Variants in CHSY1 observed in about 807,000 individuals in gnomAD.
CHSY1 encodes chondroitin sulfate synthase 1, also known as N-acetylgalactosaminyl-proteoglycan 3-beta-glucuronosyltransferase 1.
A neutral mutation model predicts 59.8 loss-of-function variants in CHSY1; 13 were observed. The observed-to-expected ratio is 0.22, with a 90% CI of 0.14 to 0.35. The LOEUF (loss-of-function observed/expected upper bound fraction) is 0.35, where lower values mean the gene tolerates loss of function less well. CHSY1 is among the 10% of genes least tolerant of loss of function. CHSY1 has a pLI of 1.00. For synonymous variants in CHSY1, 459 were observed against 401.2 expected (o/e 1.14, Z -1.72); for missense variants, 947 against 1,030.6 (o/e 0.92, Z 1.11).
intron 2 of CHSY1, among the ~76,000 whole-genome samples, chr15:101,211,326 A>C (rs1290061725): frequency 1.3e-5 from 2 of 152,262 alleles, no homozygotes; most frequent in Admixed American, 1.3e-4. Context: ...TTAGTCTCAA[A>C]AAACAAACAA....
intron 2 of CHSY1, among the ~76,000 whole-genome samples, chr15:101,185,401 T>C (rs963993546): frequency 6.6e-6 from 1 of 152,196 alleles, no homozygotes; most frequent in Non-Finnish European, 1.5e-5. Context: ...GCCCTTGCTC[T>C]GAGTGTGAAC....
chr15:101,191,274 G>A (rs907269206), intron 2 of CHSY1, among the ~76,000 whole-genome samples: 36 of 152,206 alleles, frequency 2.4e-4, no homozygotes, highest in African/African-American at 8.0e-4. Flanking sequence ...AGACACGGAA[G>A]AAAGTTAAAT....
rs933099699 is a variant in CHSY1 at position 101,212,991 on chromosome 15, G to A, written c.816+22091C>T. Among the ~76,000 whole-genome samples, 7 of 152,096 alleles carry A rather than the reference G, an allele frequency of 4.6e-5. No homozygotes were observed. The South Asian group carries it at 8.3e-4, about 18-fold the overall frequency. On this transcript the variant is annotated intron_variant, in intron 2 of 2. Coordinates refer to ENST00000254190, the MANE Select transcript of CHSY1 (RefSeq NM_014918.5). ...AATTTAAAATTTTTTCATAAATATT[G>A]AATAAAAAATAGGAAGGTGAAATTA...
At chr15:101,236,440 CTT>C (rs775086808) in intron 1 of CHSY1, among the ~76,000 whole-genome samples, 35 of 152,308 alleles carry the variant, frequency 2.3e-4, no homozygotes, top group East Asian at 1.9e-3. Flanking sequence ...CTCATTCTCT[CTT>C]GTCTGCCACC....
intron 2 of CHSY1, among the ~76,000 whole-genome samples, chr15:101,215,963 A>T (rs552261108): frequency 2.6e-4 from 40 of 152,346 alleles, no homozygotes; most frequent in Non-Finnish European, 4.6e-4. Context: ...CATAAAAAGA[A>T]CATTAAAAAA....
intron 2 of CHSY1, among the ~76,000 whole-genome samples, chr15:101,226,653 T>C (rs2038844902): frequency 1.3e-5 from 2 of 152,208 alleles, no homozygotes; most frequent in South Asian, 4.1e-4. Flanking sequence ...TCCTCTGCAC[T>C]GTCTCTCACT....
At chr15:101,211,156 T>G (rs998601713) in intron 2 of CHSY1, among the ~76,000 whole-genome samples, 1 of 152,154 alleles carries the variant, frequency 6.6e-6, no homozygotes, top group Non-Finnish European at 1.5e-5. Flanking sequence ...AAGCCCTGTC[T>G]CTACTAAAAA....
chr15:101,239,037 G>C (rs2038975648), intron 1 of CHSY1, among the ~76,000 whole-genome samples: 1 of 152,232 alleles, frequency 6.6e-6, no homozygotes, highest in Non-Finnish European at 1.5e-5. Context: ...TGGGAAGTTA[G>C]TAAGGACAAA....
intron 2 of CHSY1, among the ~76,000 whole-genome samples, chr15:101,191,058 GC>G (rs1335852125): frequency 1.3e-5 from 2 of 152,196 alleles, no homozygotes; most frequent in Non-Finnish European, 2.9e-5. Flanking sequence ...CAACAAGTGA[GC>G]TCCTTGGTAT....
intron 2 of CHSY1, among the ~76,000 whole-genome samples, chr15:101,199,088 C>A (rs1433413071): frequency 2.6e-5 from 4 of 152,216 alleles, no homozygotes; most frequent in Non-Finnish European, 5.9e-5. Context: ...ACTGCTGCTG[C>A]CCAAACCACA....
chr15:101,208,606 G>A (rs180763643), intron 2 of CHSY1, among the ~76,000 whole-genome samples: 88 of 151,904 alleles, frequency 5.8e-4, no homozygotes, highest in African/African-American at 2.0e-3. Flanking sequence ...CCAACTACTC[G>A]GGAGGTAGAG....
chr15:101,189,280 C>CA, intron 2 of CHSY1: 3 of 289,194 alleles, frequency 1.0e-5, no homozygotes, highest in Non-Finnish European at 1.5e-5. Flanking sequence ...CGTGCTCTCT[C>CA]AGCACCCTCT....
intron 2 of CHSY1, among the ~76,000 whole-genome samples, chr15:101,226,929 TA>T (rs943179485): frequency 6.6e-6 from 1 of 152,148 alleles, no homozygotes. Flanking sequence ...TAAGTCCCCA[TA>T]ACAGATGCTT....
In CHSY1 at chr15:101,178,991, A is replaced by G. The variant is rs1203422480; in HGVS notation, c.817-11T>C. On this transcript the variant is annotated splice_polypyrimidine_tract_variant and intron_variant, in intron 2 of 2. Transcript: ENST00000254190. The stretch of plus-strand genomic sequence containing the variant: ...AAAAAGCTGCTGCATCTGTTACAGG[A>G]AAAAAAAGAGATCACAAATTTAGTA... 4.4e-6 allele frequency: 7 copies of G among 1,608,070 alleles called. No homozygotes were observed. In the South Asian group the frequency reaches 4.4e-5, roughly 10 times the overall value.
At chr15:101,244,760 A>C (rs1398184005) in intron 1 of CHSY1, among the ~76,000 whole-genome samples, 1 of 152,174 alleles carries the variant, frequency 6.6e-6, no homozygotes, top group African/African-American at 2.4e-5. Flanking sequence ...ACCTCTCCTC[A>C]TGTCAATAAA....
intron 2 of CHSY1, among the ~76,000 whole-genome samples, chr15:101,201,515 G>A (rs2038574071): frequency 6.6e-6 from 1 of 152,228 alleles, no homozygotes; most frequent in Admixed American, 6.5e-5. Flanking sequence ...GGGCTGGTCT[G>A]ACCCATCTGA....
chr15:101,219,337 T>C (rs1029828172), intron 2 of CHSY1, among the ~76,000 whole-genome samples: 2 of 152,228 alleles, frequency 1.3e-5, no homozygotes, highest in African/African-American at 2.4e-5. Context: ...TCAACAGCAT[T>C]CAGTCTCTAA....
chr15:101,216,475 G>A (rs1051502747), intron 2 of CHSY1, among the ~76,000 whole-genome samples: 7 of 152,138 alleles, frequency 4.6e-5, no homozygotes, highest in African/African-American at 1.4e-4. Flanking sequence ...CCTAATCGCC[G>A]AAAACCAAAT....
intron 2 of CHSY1, among the ~76,000 whole-genome samples, chr15:101,208,645 G>A (rs954157613): frequency 2.0e-5 from 3 of 150,684 alleles, no homozygotes; most frequent in Non-Finnish European, 2.9e-5. Context: ...CCCAGGAGGC[G>A]GAGGTTGCAG....
Sources: allele counts gnomAD v4.1 joint callset (sites outside exome capture counted in the v4.1 genomes callset), GRCh38; gene constraint gnomAD v4.1.1; transcripts MANE v1.5; gene names NCBI Gene and HGNC (gene_info 2026-07-23, HGNC 2026-07-21).